Variants in CERS4 observed in about 807,000 individuals in gnomAD.
The protein encoded by CERS4 is ceramide synthase 4, also known as LAG1 homolog, ceramide synthase 4.
CERS4 carries 65 observed loss-of-function variants against 51.8 expected under a neutral mutation model. The observed-to-expected ratio is 1.26, with a 90% CI of 1.03 to 1.54. The LOEUF (loss-of-function observed/expected upper bound fraction) is 1.54, where lower values mean the gene tolerates loss of function less well. CERS4 is among the 40% of genes most tolerant of loss of function. CERS4 has a pLI of 0.00. For missense variants in CERS4, 563 were observed against 500.4 expected, an observed-to-expected ratio of 1.13 and a Z score of -1.19; for synonymous variants, 228 against 208.4, an observed-to-expected ratio of 1.09 and a Z score of -0.81.
intron 10 of CERS4, among the ~76,000 whole-genome samples, chr19:8,260,038 C>T (rs530862059): frequency 7.2e-5 from 11 of 151,746 alleles, no homozygotes; most frequent in African/African-American, 1.2e-4. Context: ...TGGTGGGGTG[C>T]GGGGAGCCAG....
At chr19:8,251,916 C>T (rs559990051) in intron 3 of CERS4, among the ~76,000 whole-genome samples, 2 of 151,684 alleles carry the variant, frequency 1.3e-5, no homozygotes, top group African/African-American at 4.8e-5. Context: ...GGGGTTTTAG[C>T]CCTTAAAAAA....
At chr19:8,233,837 A>G (rs1201456311) in intron 2 of CERS4, among the ~76,000 whole-genome samples, 1 of 151,330 alleles carries the variant, frequency 6.6e-6, no homozygotes, top group Non-Finnish European at 1.5e-5. Context: ...ACATGGCGAA[A>G]TCCTGTCTCT....
chr19:8,224,348 G>A (rs1195723747), intron 2 of CERS4, among the ~76,000 whole-genome samples: 1 of 151,072 alleles, frequency 6.6e-6, no homozygotes, highest in Non-Finnish European at 1.5e-5. Flanking sequence ...CGGAGATTGC[G>A]GTGAGTAGAG....
At chr19:8,223,191 G>T (rs899649234) in intron 2 of CERS4, among the ~76,000 whole-genome samples, 2 of 151,540 alleles carry the variant, frequency 1.3e-5, no homozygotes, top group African/African-American at 4.9e-5. Flanking sequence ...AATTAGCTGG[G>T]CATGGCGGCA....
At chr19:8,252,549 C>T (rs1012694123) in intron 3 of CERS4, among the ~76,000 whole-genome samples, 1 of 151,818 alleles carries the variant, frequency 6.6e-6, no homozygotes, top group African/African-American at 2.4e-5. Flanking sequence ...AGCGACTCTC[C>T]TATCTCAGCC....
intron 2 of CERS4, among the ~76,000 whole-genome samples, chr19:8,211,218 A>C (rs971850283): frequency 6.6e-6 from 1 of 151,658 alleles, no homozygotes; most frequent in African/African-American, 2.4e-5. Context: ...GTCTTGGCTC[A>C]GGAGCCACTG....
intron 2 of CERS4, among the ~76,000 whole-genome samples, chr19:8,223,558 G>A (rs1599522760): frequency 6.6e-6 from 1 of 152,264 alleles, no homozygotes; most frequent in Non-Finnish European, 1.5e-5. Flanking sequence ...GGCGGAGGTT[G>A]CAGGGAGCTA....
At chr19:8,258,385 C>A (rs1287249076) in intron 10 of CERS4, among the ~76,000 whole-genome samples, 1 of 152,128 alleles carries the variant, frequency 6.6e-6, no homozygotes, top group Non-Finnish European at 1.5e-5. Context: ...AACTGCACAG[C>A]ATGCGAAGGA....
intron 2 of CERS4, among the ~76,000 whole-genome samples, chr19:8,243,535 C>A (rs1469144693): frequency 6.6e-6 from 1 of 152,150 alleles, no homozygotes; most frequent in African/African-American, 2.4e-5. Context: ...TAGTGCCCCT[C>A]CCCAACCAGA....
chr19:8,236,825 A>C (rs1968281960), intron 2 of CERS4, among the ~76,000 whole-genome samples: 1 of 151,724 alleles, frequency 6.6e-6, no homozygotes, highest in Non-Finnish European at 1.5e-5. Flanking sequence ...AACATGGCGA[A>C]ACCCCATCTC....
At chr19:8,236,901 G>T (rs1968284728) in intron 2 of CERS4, among the ~76,000 whole-genome samples, 1 of 147,690 alleles carries the variant, frequency 6.8e-6, no homozygotes, top group Non-Finnish European at 1.5e-5. Flanking sequence ...ACTCAGTGTG[G>T]CTGAGGCAGT....
intron 2 of CERS4, among the ~76,000 whole-genome samples, chr19:8,224,141 G>T (rs1967682011): frequency 6.8e-6 from 1 of 146,844 alleles, no homozygotes; most frequent in South Asian, 2.2e-4. Context: ...AGGCACGGTG[G>T]CCCATGCCTG....
chr19:8,258,874 C>T (rs2927715), intron 10 of CERS4, among the ~76,000 whole-genome samples: 38,950 of 151,084 alleles, frequency 0.26, 5,878 homozygotes, highest in African/African-American at 0.42. Flanking sequence ...TGGCTCACGC[C>T]TGTCATCCCA....
intron 2 of CERS4, among the ~76,000 whole-genome samples, chr19:8,240,005 C>T (rs903921298): frequency 2.6e-5 from 4 of 152,136 alleles, no homozygotes; most frequent in Admixed American, 1.3e-4. Context: ...GAAGGAACTA[C>T]ACAGGATCAG....
intron 2 of CERS4, among the ~76,000 whole-genome samples, chr19:8,219,219 G>A (rs903439651): frequency 4.6e-5 from 7 of 151,696 alleles, no homozygotes; most frequent in Admixed American, 6.6e-5. Context: ...GCAAAAAAAG[G>A]TGGTGACTTG....
At chr19:8,257,739 A>T (rs1969471767) in intron 9 of CERS4, 140 bp from the exon 10 acceptor site, 1 of 652,672 alleles carries the variant, frequency 1.5e-6, no homozygotes, top group Non-Finnish European at 2.7e-6. Flanking sequence ...CTATATTCAC[A>T]CTCTTTACCT....
rs139055030 is a variant in CERS4, at chr19:8,253,182, G to A, written c.174-1317G>A. The stretch of plus-strand genomic sequence containing the variant: ...TGTGGTGTTGGCGCGCCCTCTTGTG[G>A]GCAACGTGGCCATTGACCAGGGTCC... On this transcript the variant is annotated intron_variant, in intron 3 of 11. Coordinates refer to ENST00000251363, the MANE Select transcript of CERS4 (RefSeq NM_024552.3). 5.2e-4 allele frequency among the ~76,000 whole-genome samples: 79 copies of A among 152,338 alleles called. 1 individual carries two copies. In the East Asian group the frequency reaches 0.014, roughly 28 times the overall value.
At chr19:8,243,221 A>T (rs1388438225) in intron 2 of CERS4, among the ~76,000 whole-genome samples, 1 of 122,014 alleles carries the variant, frequency 8.2e-6, no homozygotes, top group Non-Finnish European at 1.7e-5. Flanking sequence ...AAAAAAAAAA[A>T]AATAGGGGAT....
Position 8,251,244 on chromosome 19 carries a change from T to G in CERS4, c.168T>G (p.Phe56Leu), listed in dbSNP as rs1056066932. The change falls in exon 3 of 12, where the codon TTT (phenylalanine) becomes TTG (leucine). Residue 56 changes from phenylalanine to leucine, a missense_variant. Coordinates refer to ENST00000251363, the MANE Select transcript of CERS4 (RefSeq NM_024552.3). ...TCCTCCTGGCCATGCGCCTTGCCTT[T>G]GAGAGGTGAGTGTCTGCCCTGCCGC... is the stretch of plus-strand genomic sequence containing the variant. ...ALVLLAMRLA[F>L]ERFIGLPLSR... 1.9e-6 allele frequency: 3 copies of G among 1,600,514 alleles called. No homozygotes were observed. The highest frequency in any genetic ancestry group is 1.7e-6 in the Non-Finnish European group (2 of 1,173,604).
Sources: gnomAD v4.1 joint callset for allele counts (sites outside exome capture counted in the v4.1 genomes callset) on GRCh38, gnomAD v4.1.1 for gene constraint, MANE v1.5 for transcripts, NCBI Gene and HGNC (gene_info 2026-07-23, HGNC 2026-07-21) for gene names.